Variants in RAD23B observed in about 807,000 individuals in gnomAD.
RAD23B encodes the protein lysine-specific demethylase RAD23B.
RAD23B carries 5 observed loss-of-function variants against 49.1 expected under a neutral mutation model. The observed-to-expected ratio is 0.10, with a 90% CI of 0.05 to 0.21. The LOEUF (loss-of-function observed/expected upper bound fraction) is 0.21, where lower values mean the gene tolerates loss of function less well. Ranked by LOEUF, RAD23B falls within the 10% of genes least tolerant of loss-of-function variation. The pLI, the probability that RAD23B is intolerant of heterozygous loss-of-function variation, is 1.00. For synonymous variants in RAD23B, 184 were observed against 165.4 expected (o/e 1.11, Z -0.86); for missense variants, 356 against 486.7 (o/e 0.73, Z 2.53).
At chr9:107,316,821 T>TA (rs1255194090) in intron 5 of RAD23B, among the ~76,000 whole-genome samples, 5,871 of 138,084 alleles carry the variant, frequency 0.043, 330 homozygotes, top group African/African-American at 0.14. Flanking sequence ...AATGAAACAT[T>TA]AAAAAAAAAA....
At position 107,331,641 on chromosome 9, in the gene RAD23B, T is replaced by G. The variant is rs769489666; in HGVS notation, c.*1985T>G. On this transcript the variant is annotated 3_prime_UTR_variant, in exon 10 of 10. Coordinates refer to ENST00000358015, the MANE Select transcript of RAD23B (RefSeq NM_002874.5). ...GATCGGATAATGGAATACTCTCATT[T>G]ATTTTATGACATTCTCTGTCTACTC... The G allele has an allele frequency of 3.9e-6, 3 of 769,318 alleles. No individual in the cohort carries two copies. The highest frequency in any genetic ancestry group is 7.2e-6 in the Non-Finnish European group (3 of 415,072). 47.7% of individuals were successfully genotyped at this position (769,318 alleles called of 1,614,324 possible).
intron 4 of RAD23B, among the ~76,000 whole-genome samples, chr9:107,310,674 T>C (rs1826872191): frequency 6.6e-6 from 1 of 152,202 alleles, no homozygotes. Context: ...GTATATTTAA[T>C]GAAGAACTTA....
chr9:107,319,608 G>A (rs553061241), intron 6 of RAD23B, among the ~76,000 whole-genome samples: 4 of 152,152 alleles, frequency 2.6e-5, no homozygotes, highest in Admixed American at 6.5e-5. Context: ...ATTTTAGATC[G>A]TGGAATCTAA....
chr9:107,323,820 ATG>A, intron 7 of RAD23B, 68 bp from the exon 8 acceptor site: 1 of 1,377,396 alleles, frequency 7.3e-7, no homozygotes, highest in Non-Finnish European at 1.0e-6. Flanking sequence ...TGCTGTCTAA[ATG>A]TATTATTTAA....
chr9:107,326,743 C>T (rs1827214337), intron 9 of RAD23B, among the ~76,000 whole-genome samples: 1 of 143,176 alleles, frequency 7.0e-6, no homozygotes, highest in African/African-American at 2.6e-5. Flanking sequence ...ACACCATTCT[C>T]CTGCCTCAGC....
chr9:107,298,399 C>T (rs1444321834), intron 1 of RAD23B, among the ~76,000 whole-genome samples: 1 of 150,714 alleles, frequency 6.6e-6, no homozygotes, highest in South Asian at 2.1e-4. Flanking sequence ...CTGCAACCTC[C>T]ACTTTTCAAA....
At chr9:107,308,060 CTT>C (rs1826814631) in intron 4 of RAD23B, among the ~76,000 whole-genome samples, 2 of 152,036 alleles carry the variant, frequency 1.3e-5, no homozygotes, top group Admixed American at 1.3e-4. Flanking sequence ...ATATTACAAA[CTT>C]AATATGTCTT....
chr9:107,303,347 T>C (rs1356902992), intron 3 of RAD23B, among the ~76,000 whole-genome samples: 1 of 152,238 alleles, frequency 6.6e-6, no homozygotes. Context: ...AATTACCACA[T>C]GCTTTTGTAC....
chr9:107,302,644 T>TG (rs1826678227), intron 3 of RAD23B, among the ~76,000 whole-genome samples: 1 of 139,406 alleles, frequency 7.2e-6, no homozygotes, highest in Non-Finnish European at 1.5e-5. Context: ...GAGGAAGTTT[T>TG]TTTTGTTTTT....
Position 107,306,416 on chromosome 9 carries a change from A to G in RAD23B, c.266A>G (p.Gln89Arg). ...TCCACACCAGCACCAGCTACAACTC[A>G]GCAGTCAGCTCCTGCCAGCACTACA... is the stretch of plus-strand genomic sequence containing the variant. Reference protein sequence around the residue: ...AVSTPAPATTQQSAPASTTAV... With the variant: ...AVSTPAPATTRQSAPASTTAV... The change falls in exon 4 of 10, where the codon CAG (glutamine) becomes CGG (arginine). Residue 89 changes from glutamine (Q) to arginine (R), a missense_variant. Physicochemically the swap from Gln to Arg is conservative, Grantham distance 43. Around this residue, in one of 5 missense-constraint regions of RAD23B, gnomAD observed 137 missense variants for 122.0 expected, o/e 1.12. Coordinates refer to ENST00000358015, the MANE Select transcript of RAD23B (RefSeq NM_002874.5). 1 of 1,614,182 alleles carries G rather than the reference A, an allele frequency of 6.2e-7. No individual in the cohort carries two copies. The highest frequency in any genetic ancestry group is 8.5e-7 in the Non-Finnish European group (1 of 1,180,018).
At chr9:107,325,606 T>G (rs1299609702) in intron 9 of RAD23B, among the ~76,000 whole-genome samples, 2 of 152,200 alleles carry the variant, frequency 1.3e-5, no homozygotes, top group African/African-American at 4.8e-5. Flanking sequence ...TCATAAAACC[T>G]TCTTGAACTG....
chr9:107,306,574 G>A lies in RAD23B; in HGVS notation c.424G>A (p.Ala142Thr). The A allele has an allele frequency of 6.2e-7, 1 of 1,614,090 alleles. No individual in the cohort carries two copies. Among genetic ancestry groups the A allele is most frequent in the South Asian group, 1.1e-5 (1 of 91,080 alleles). The change falls in exon 4 of 10, where the codon GCA (alanine) becomes ACA (threonine). Residue 142 changes from alanine (A) to threonine (T), a missense_variant. Coordinates refer to ENST00000358015, the MANE Select transcript of RAD23B (RefSeq NM_002874.5). ...ATCTTCTGAACCTGCACCTGCTAGT[G>A]CAGCTAAACAAGAGAAGCCTGCAGA... ...TASSEPAPAS[A>T]AKQEKPAEKP...
chr9:107,290,158 A>G (rs1339422804), intron 1 of RAD23B, among the ~76,000 whole-genome samples: 1 of 152,202 alleles, frequency 6.6e-6, no homozygotes, highest in African/African-American at 2.4e-5. Flanking sequence ...GAATTTGGAA[A>G]TAATCGAGAC....
At chr9:107,299,011 A>G (rs947945872) in intron 1 of RAD23B, among the ~76,000 whole-genome samples, 1 of 152,176 alleles carries the variant, frequency 6.6e-6, no homozygotes, top group South Asian at 2.1e-4. Context: ...GGTATTTGCA[A>G]AATACTCTGC....
chr9:107,315,226 AG>A (rs1826966872), intron 5 of RAD23B, among the ~76,000 whole-genome samples: 1 of 152,186 alleles, frequency 6.6e-6, no homozygotes, highest in African/African-American at 2.4e-5. Flanking sequence ...TTTGTTGAAT[AG>A]GGTGTCCTTT....
At chr9:107,295,694 C>G (rs536427452) in intron 1 of RAD23B, among the ~76,000 whole-genome samples, 1 of 152,094 alleles carries the variant, frequency 6.6e-6, no homozygotes, top group African/African-American at 2.4e-5. Context: ...TTTAGTGTAT[C>G]CTTTTCTCCA....
intron 1 of RAD23B, among the ~76,000 whole-genome samples, chr9:107,288,338 CTG>C (rs1164258021): frequency 6.6e-6 from 1 of 152,152 alleles, no homozygotes; most frequent in Non-Finnish European, 1.5e-5. Context: ...TGGGATAAAA[CTG>C]TCAAAAAATA....
chr9:107,297,465 G>A (rs371992387), intron 1 of RAD23B, among the ~76,000 whole-genome samples: 3 of 151,684 alleles, frequency 2.0e-5, no homozygotes, highest in Admixed American at 6.6e-5. Context: ...CTCAGCCTCC[G>A]AAGTAGCTGG....
Position 107,329,590 on chromosome 9 carries a change from T to C in RAD23B, c.1164T>C (p.Phe388=). 6.2e-7 allele frequency: 1 copy of C among 1,613,664 alleles called. No homozygotes were observed. The highest frequency in any genetic ancestry group is 8.5e-7 in the Non-Finnish European group (1 of 1,179,710). The change falls in exon 10 of 10, where the codon TTT becomes TTC. Residue 388 remains phenylalanine, a synonymous_variant. Coordinates refer to ENST00000358015, the MANE Select transcript of RAD23B (RefSeq NM_002874.5). The stretch of plus-strand genomic sequence containing the variant: ...AAGGACTTGTGATACAAGCGTATTT[T>C]GCTTGTGAGAAGAATGAGAATTTGG... ...FPEGLVIQAY[F]ACEKNENLAA... is the part of the protein sequence containing the mutation.
Sources: allele counts gnomAD v4.1 joint callset (sites outside exome capture counted in the v4.1 genomes callset), GRCh38; gene constraint gnomAD v4.1.1; regional missense constraint gnomAD v4.1.1; transcripts MANE v1.5; gene names NCBI Gene and HGNC (gene_info 2026-07-23, HGNC 2026-07-21).